The following HMGN2 variants were observed in gnomAD, a reference collection of about 807,000 sequenced individuals.
The protein encoded by HMGN2 is high mobility group nucleosomal binding domain 2, also known as non-histone chromosomal protein HMG-17.
In HMGN2, 2 loss-of-function variants were observed where a neutral mutation model predicts 16.9. The ratio of observed to expected loss-of-function variants is 0.12; its 90% CI spans 0.05 to 0.37. The LOEUF (loss-of-function observed/expected upper bound fraction) is 0.37, where lower values mean the gene tolerates loss of function less well. HMGN2 is among the 10% of genes least tolerant of loss of function. The probability of loss-of-function intolerance (pLI) is 1.00; values close to 1 mark genes in which losing one functional copy is unlikely to be tolerated. For missense variants in HMGN2, 90 were observed against 106.0 expected (o/e 0.85, Z 0.66); for synonymous variants, 31 against 34.9 (o/e 0.89, Z 0.39).
chr1:26,474,905 G>A (rs1026906216), intron 5 of HMGN2: 1 of 608,668 alleles, frequency 1.6e-6, no homozygotes, highest in African/African-American at 1.9e-5. Context: ...TCTTATTCTG[G>A]TGTTCTTCCT....
In HMGN2 at chr1:26,472,750, G is replaced by A. The variant is rs568364845; in HGVS notation, c.15+123G>A. The A allele has an allele frequency of 6.1e-4, 524 of 861,878 alleles. 2 individuals are homozygous for A. Among genetic ancestry groups the A allele is most frequent in the South Asian group, 2.3e-3 (126 of 55,408 alleles). The allele number at this position is 861,878 out of a possible 1,614,324, so 53.4% of individuals were successfully genotyped here. ...GCCAGCGCAGCCTCCCCGCGCGGGG[G>A]CTGGAGACGGTGTCGGGCAGCTCGG... On this transcript the variant is annotated intron_variant, in intron 1 of 5. Coordinates refer to ENST00000361427, the MANE Select transcript of HMGN2 (RefSeq NM_005517.4).
chr1:26,475,339 T>G lies in HMGN2; in HGVS notation c.*191T>G. The stretch of plus-strand genomic sequence containing the variant: ...GGGCATATGTCACTAATAGAATGTC[T>G]CCAAAGCTGGATTGATGTGGAGAAA... On this transcript the variant is annotated 3_prime_UTR_variant, in exon 6 of 6. Transcript: ENST00000361427. The G allele has an allele frequency of 2.1e-6, 1 of 467,074 alleles. No homozygotes were observed. Among genetic ancestry groups the G allele is most frequent in the Non-Finnish European group, 3.8e-6 (1 of 262,126 alleles). The allele number at this position is 467,074 out of a possible 1,614,324, so 28.9% of individuals were successfully genotyped here.
At position 26,472,554 on chromosome 1, in the gene HMGN2, C is replaced by A; in HGVS notation, c.-59C>A. ...AACGACCCCCGGACCGACCAAAGCC[C>A]GCGCGCCGCTGCATCCCGCGTCCAG... is the stretch of plus-strand genomic sequence containing the variant. On this transcript the variant is annotated 5_prime_UTR_variant, in exon 1 of 6. Transcript: ENST00000361427. 1 of 1,533,586 alleles carries A rather than the reference C, an allele frequency of 6.5e-7. No homozygotes were observed. The highest frequency in any genetic ancestry group is 8.7e-7 in the Non-Finnish European group (1 of 1,146,578). The allele number at this position is 1,533,586 out of a possible 1,614,324, so 95.0% of individuals were successfully genotyped here. A position where few individuals can be genotyped will look rare whatever the true frequency, so the allele number is the denominator to read the frequency against.
rs1355695856 is a variant in HMGN2 at position 26,472,639 on chromosome 1, G to T, written c.15+12G>T. ...TGCCCAAGAGAAAGGTACGTGGCGC[G>T]AGGGCCCCAGGCGCCGGGCCACCAC... On this transcript the variant is annotated intron_variant, in intron 1 of 5. Coordinates refer to ENST00000361427, the MANE Select transcript of HMGN2 (RefSeq NM_005517.4). The T allele has an allele frequency of 6.5e-7, 1 of 1,530,318 alleles. No individual in the cohort carries two copies. Among genetic ancestry groups the T allele is most frequent in the Non-Finnish European group, 8.7e-7 (1 of 1,145,092 alleles). 94.8% of individuals were successfully genotyped at this position (1,530,318 alleles called of 1,614,324 possible).
chr1:26,472,856 G>C (rs960167598), intron 1 of HMGN2, among the ~76,000 whole-genome samples: 3 of 151,936 alleles, frequency 2.0e-5, no homozygotes, highest in African/African-American at 7.2e-5. Flanking sequence ...GAGGAGCCAT[G>C]TTGGCGGCTG....
chr1:26,475,892 G>T lies in HMGN2; in HGVS notation c.*744G>T, dbSNP rs1040017263. On this transcript the variant is annotated 3_prime_UTR_variant, in exon 6 of 6. Transcript: ENST00000361427. ...AAGTTGTTGTATACTGTTAACGATT[G>T]TCTGCCCATGTCCTGCCTGAAATAC... The T allele has an allele frequency of 8.1e-6, 2 of 247,508 alleles. No individual in the cohort carries two copies. Among genetic ancestry groups the T allele is most frequent in the Non-Finnish European group, 1.7e-5 (2 of 120,646 alleles). 15.3% of individuals were successfully genotyped at this position (247,508 alleles called of 1,614,324 possible).
intron 1 of HMGN2, 42 bp downstream of exon 1, chr1:26,472,669 G>GCCA: frequency 6.7e-7 from 1 of 1,486,798 alleles, no homozygotes. Flanking sequence ...CACCACTGCC[G>GCCA]CCACCGCCGC....
At position 26,475,406 on chromosome 1, in the gene HMGN2, C is replaced by G. The variant is rs1376510793; in HGVS notation, c.*258C>G. ...GTTTTGAGAGACTTCCTCTTGGCTCCCAGGAGGAGGGATTCCCTGACTTTG... is the reference window on the plus strand; with the variant it reads ...GTTTTGAGAGACTTCCTCTTGGCTCGCAGGAGGAGGGATTCCCTGACTTTG... On this transcript the variant is annotated 3_prime_UTR_variant, in exon 6 of 6. Coordinates refer to ENST00000361427, the MANE Select transcript of HMGN2 (RefSeq NM_005517.4). 13 of 367,434 alleles carry G rather than the reference C, an allele frequency of 3.5e-5. No individual in the cohort carries two copies. The highest frequency in any genetic ancestry group is 1.7e-4 in the Admixed American group (4 of 23,362). The allele number at this position is 367,434 out of a possible 1,614,324, so 22.8% of individuals were successfully genotyped here.
Position 26,474,627 on chromosome 1 carries a change from G to A in HMGN2, c.197G>A (p.Gly66Glu). 1.3e-6 allele frequency: 2 copies of A among 1,593,204 alleles called. No homozygotes were observed. The highest frequency in any genetic ancestry group is 8.6e-7 in the Non-Finnish European group (1 of 1,162,140). The change falls in exon 5 of 6, where the codon GGG (glycine) becomes GAG (glutamate). Residue 66 changes from glycine to glutamate, a missense_variant. Transcript: ENST00000361427. ...KKGKADAGKE[G>E]NNPAENGDAK... ...GGAAAAGCTGATGCTGGCAAGGAGGGGAATAACCCTGCAGAAAATGGAGAT... is the reference window on the plus strand; with the variant it reads ...GGAAAAGCTGATGCTGGCAAGGAGGAGAATAACCCTGCAGAAAATGGAGAT...
Position 26,475,317 on chromosome 1 carries a change from C to CAT in HMGN2, c.*172_*173dup. On this transcript the variant is annotated 3_prime_UTR_variant, in exon 6 of 6. Coordinates refer to ENST00000361427, the MANE Select transcript of HMGN2 (RefSeq NM_005517.4). ...TCATTGTTGTTTTTGGGGGAAGGGG[C>CAT]ATATGTCACTAATAGAATGTCTCCA... is the stretch of plus-strand genomic sequence containing the variant. The CAT allele has an allele frequency of 3.9e-6, 2 of 514,408 alleles. No homozygotes were observed. Among genetic ancestry groups the CAT allele is most frequent in the Non-Finnish European group, 6.9e-6 (2 of 288,514 alleles). The allele number at this position is 514,408 out of a possible 1,614,324, so 31.9% of individuals were successfully genotyped here.
intron 1 of HMGN2, 168 bp from the exon 2 acceptor site, chr1:26,473,315 G>T: frequency 3.2e-5 from 19 of 588,934 alleles, no homozygotes; most frequent in Admixed American, 6.1e-5. Context: ...CGGCGAGCCG[G>T]AGCTCCTGCG....
At chr1:26,473,862 C>A in intron 3 of HMGN2, 130 bp downstream of exon 3, 3 of 993,510 alleles carry the variant, frequency 3.0e-6, no homozygotes, top group Non-Finnish European at 4.7e-6. Context: ...GGGACTCTTG[C>A]CCCTTTGGGT....
At position 26,472,482 on chromosome 1, in the gene HMGN2, A is replaced by G; in HGVS notation, c.-131A>G. The G allele has an allele frequency of 8.6e-7, 1 of 1,161,054 alleles. No homozygotes were observed. The highest frequency in any genetic ancestry group is 1.2e-6 in the Non-Finnish European group (1 of 812,838). 71.9% of individuals were successfully genotyped at this position (1,161,054 alleles called of 1,614,324 possible). On this transcript the variant is annotated 5_prime_UTR_variant, in exon 1 of 6. Transcript: ENST00000361427. The stretch of plus-strand genomic sequence containing the variant: ...GGTCCGGGGCTCCCAGCGCTATAAA[A>G]ACTTTATAAACCCCCCGGAGCCCGA...
chr1:26,474,494 C>T, intron 4 of HMGN2, 78 bp from the exon 5 acceptor site: 1 of 744,748 alleles, frequency 1.3e-6, no homozygotes, highest in Admixed American at 2.1e-5. Context: ...AACAATCCTA[C>T]CTTGTGCAGA....
At chr1:26,474,475 T>C in intron 4 of HMGN2, 97 bp from the exon 5 acceptor site, 1 of 691,532 alleles carries the variant, frequency 1.4e-6, no homozygotes, top group Admixed American at 2.3e-5. Flanking sequence ...TTGTGTTTTA[T>C]CTTGAGTAAA....
chr1:26,474,258 C>A, intron 4 of HMGN2, 123 bp downstream of exon 4: 1 of 693,300 alleles, frequency 1.4e-6, no homozygotes, highest in Non-Finnish European at 2.4e-6. Flanking sequence ...TAGCTTACCT[C>A]GTCCGTGTCA....
rs1237551698 is a variant in HMGN2 at position 26,475,692 on chromosome 1, C to G, written c.*544C>G. 1 of 317,614 alleles carries G rather than the reference C, an allele frequency of 3.1e-6. No homozygotes were observed. The highest frequency in any genetic ancestry group is 4.4e-5 in the Admixed American group (1 of 22,544). The allele number at this position is 317,614 out of a possible 1,614,324, so 19.7% of individuals were successfully genotyped here. On this transcript the variant is annotated 3_prime_UTR_variant, in exon 6 of 6. Transcript: ENST00000361427. ...ATCTTCAGATAAATTCTGCCATTTT[C>G]ATTTCACTTCCTGAAAGTCAGGGTC...
rs757995794 is a variant in HMGN2 at position 26,474,579 on chromosome 1, A to G, written c.149A>G (p.Glu50Gly). 10 of 1,533,588 alleles carry G rather than the reference A, an allele frequency of 6.5e-6. No homozygotes were observed. Among genetic ancestry groups the G allele is most frequent in the Non-Finnish European group, 7.2e-6 (8 of 1,109,362 alleles). 95.0% of individuals were successfully genotyped at this position (1,533,588 alleles called of 1,614,324 possible). The stretch of plus-strand genomic sequence containing the variant: ...TTTTTTCCCCTTTTTCAGAAGGGAG[A>G]GAAGGTACCCAAAGGGAAAAAGGGA... The part of the protein sequence containing the change: ...KPKKAPAKKG[E>G]KVPKGKKGKA... The change falls in exon 5 of 6, where the codon GAG becomes GGG. Residue 50 changes from glutamate (E) to glycine (G), a missense_variant. Coordinates refer to ENST00000361427, the MANE Select transcript of HMGN2 (RefSeq NM_005517.4).
chr1:26,473,829 GT>G (rs1557461369), intron 3 of HMGN2, 97 bp downstream of exon 3: 1 of 1,281,800 alleles, frequency 7.8e-7, no homozygotes, highest in African/African-American at 1.5e-5. Flanking sequence ...TTAGTGCCTG[GT>G]TTTGAATCAT....
Sources: allele counts gnomAD v4.1 joint callset (sites outside exome capture counted in the v4.1 genomes callset), GRCh38; gene constraint gnomAD v4.1.1; transcripts MANE v1.5; gene names NCBI Gene and HGNC (gene_info 2026-07-23, HGNC 2026-07-21).